CAGE1: variants seen among roughly 807,000 people sequenced by gnomAD.
CAGE1 encodes the protein cancer antigen 1, also known as cancer-associated gene 1 protein.
Under a neutral mutation model 94.9 loss-of-function variants are expected in CAGE1, and 66 were observed. That is an observed-to-expected ratio of 0.70 (90% CI 0.57 to 0.85). The LOEUF is 0.85. CAGE1 is among the 40% of genes least tolerant of loss of function. The pLI, the probability that CAGE1 is intolerant of heterozygous loss-of-function variation, is 0.00. For missense variants in CAGE1, 865 were observed against 950.4 expected (o/e 0.91, Z 1.18); for synonymous variants, 319 against 321.0 (o/e 0.99, Z 0.07).
At chr6:7,384,829 C>T (rs1356145463) in intron 3 of CAGE1, among the ~76,000 whole-genome samples, 3 of 151,822 alleles carry the variant, frequency 2.0e-5, no homozygotes, top group Non-Finnish European at 4.4e-5. Context: ...ATTCTCCCAC[C>T]CAGGCCTCCA....
At chr6:7,343,745 G>A (rs1759288084) in intron 11 of CAGE1, among the ~76,000 whole-genome samples, 1 of 152,180 alleles carries the variant, frequency 6.6e-6, no homozygotes, top group Non-Finnish European at 1.5e-5. Flanking sequence ...GGTAGGAATG[G>A]AATAGAAGGT....
intron 11 of CAGE1, among the ~76,000 whole-genome samples, chr6:7,345,273 T>C (rs555628736): frequency 9.2e-5 from 14 of 152,106 alleles, no homozygotes; most frequent in African/African-American, 3.4e-4. Flanking sequence ...ACCTTAAGAG[T>C]TGCAGCACTG....
chr6:7,339,149 C>T lies in CAGE1; in HGVS notation c.2370-5059G>A. 6.5e-7 allele frequency: 1 copy of T among 1,534,652 alleles called. No homozygotes were observed. The highest frequency in any genetic ancestry group is 1.7e-5 in the Admixed American group (1 of 59,952). On this transcript the variant is annotated intron_variant, in intron 11 of 13. Coordinates refer to ENST00000502583, the MANE Select transcript of CAGE1 (RefSeq NM_001170692.2). The surrounding 1 kb of genome is among the most constrained non-coding windows in gnomAD (Gnocchi z 4.7). ...ATTTAGCTCTCTGTCCTCAGAGTTT[C>T]CCAGACACCACGACCTCACAGCCTT...
chr6:7,363,767 T>C (rs2113429234), intron 9 of CAGE1, among the ~76,000 whole-genome samples: 1 of 152,328 alleles, frequency 6.6e-6, no homozygotes, highest in South Asian at 2.1e-4. Context: ...TATCGGTGTG[T>C]TCAAGTATTG....
At position 7,366,404 on chromosome 6, in the gene CAGE1, G is replaced by A. The variant is rs148246907; in HGVS notation, c.2005-520C>T. Among the ~76,000 whole-genome samples the A allele has an allele frequency of 8.4e-3, 1,280 of 152,280 alleles. 13 individuals are homozygous for A. Among genetic ancestry groups the A allele is most frequent in the Admixed American group, 0.014 (208 of 15,294 alleles). On this transcript the variant is annotated intron_variant, in intron 7 of 13. Transcript: ENST00000502583. ...TGCTGGCAAGGCTGCCCCATGACTG[G>A]CATTTGGAAAGTTGGACTGCAGAAA... is the stretch of plus-strand genomic sequence containing the variant.
chr6:7,382,262 C>T (rs560113953), intron 3 of CAGE1, among the ~76,000 whole-genome samples: 8 of 152,074 alleles, frequency 5.3e-5, no homozygotes, highest in South Asian at 2.1e-4. Context: ...GCCATACAGA[C>T]GTTTTCTTAA....
chr6:7,368,855 G>C, intron 6 of CAGE1, 57 bp from the exon 7 acceptor site: 1 of 1,007,812 alleles, frequency 9.9e-7, no homozygotes, highest in South Asian at 1.6e-5. Flanking sequence ...GCTAAAATGA[G>C]GCCAAAACTA....
rs921665729 is a variant in CAGE1 at position 7,373,810 on chromosome 6, C to A, written c.1009G>T (p.Val337Phe). Residue 337 changes from valine to phenylalanine, a missense_variant, in exon 5 of 14, where the codon GTT becomes TTT. Physicochemically the swap from Val to Phe is conservative, Grantham distance 50 (BLOSUM62 -1). Coordinates refer to ENST00000502583, the MANE Select transcript of CAGE1 (RefSeq NM_001170692.2). ...QCSNLYLEKR[V>F]KELQMKITKQ... ...GTAATCTTCATCTGTAGTTCTTTAACCCTCTTCTCTAAATACAGGTTACTA... is the reference window on the plus strand; with the variant it reads ...GTAATCTTCATCTGTAGTTCTTTAAACCTCTTCTCTAAATACAGGTTACTA... 6.2e-7 allele frequency: 1 copy of A among 1,613,748 alleles called. No individual in the cohort carries two copies. The highest frequency in any genetic ancestry group is 1.3e-5 in the African/African-American group (1 of 74,916).
chr6:7,344,704 C>T (rs1759360778), intron 11 of CAGE1, among the ~76,000 whole-genome samples: 1 of 152,338 alleles, frequency 6.6e-6, no homozygotes, highest in Admixed American at 6.5e-5. Flanking sequence ...AGGTGGAGAA[C>T]CTTTATGTCT....
intron 11 of CAGE1, among the ~76,000 whole-genome samples, chr6:7,350,840 C>T (rs1220377636): frequency 6.6e-6 from 1 of 152,104 alleles, no homozygotes; most frequent in Admixed American, 6.6e-5. Flanking sequence ...TCTAAGGTTA[C>T]ACCTCAAGGA....
chr6:7,376,074 T>C (rs1199613616), intron 4 of CAGE1, among the ~76,000 whole-genome samples: 1 of 152,080 alleles, frequency 6.6e-6, no homozygotes, highest in Non-Finnish European at 1.5e-5. Flanking sequence ...GTGTTAGTTA[T>C]CACAAGTGGA....
At chr6:7,345,550 GT>G (rs1399100431) in intron 11 of CAGE1, among the ~76,000 whole-genome samples, 13 of 152,166 alleles carry the variant, frequency 8.5e-5, no homozygotes, top group African/African-American at 2.9e-4. Context: ...TCACCAAGTA[GT>G]TTTCTTTCAG....
At position 7,387,082 on chromosome 6, in the gene CAGE1, G is replaced by A. The variant is rs939510199; in HGVS notation, c.92C>T (p.Ser31Leu). The change falls in exon 2 of 14, where the codon TCA becomes TTA. Residue 31 changes from serine to leucine, a missense_variant. By Grantham distance (145) the Ser-to-Leu change is moderately radical. Transcript: ENST00000502583. Reference sequence around the variant, plus strand: ...GCTGACATTCATGGTATCCGATTCTGACATGCTTTCTACTTTTTCATGAGA... The same window carrying A: ...GCTGACATTCATGGTATCCGATTCTAACATGCTTTCTACTTTTTCATGAGA... ...DTSHEKVESM[S>L]ESDTMNVSNL... The A allele has an allele frequency of 5.2e-6, 8 of 1,551,328 alleles. No homozygotes were observed. The Admixed American group carries it at 9.8e-5, about 19-fold the overall frequency.
chr6:7,338,880 T>A (rs528642271), intron 11 of CAGE1: 1 of 1,534,532 alleles, frequency 6.5e-7, no homozygotes, highest in East Asian at 2.2e-5. Flanking sequence ...GGCTCTGGCT[T>A]CCCACCCTTC....
chr6:7,345,237 G>T (rs556121578), intron 11 of CAGE1, among the ~76,000 whole-genome samples: 2 of 148,728 alleles, frequency 1.3e-5, no homozygotes, highest in Admixed American at 6.6e-5. Flanking sequence ...AGCCTACCAA[G>T]AAGAAGGAAC....
chr6:7,357,635 G>C (rs577880930), intron 9 of CAGE1, among the ~76,000 whole-genome samples: 48 of 152,178 alleles, frequency 3.2e-4, no homozygotes, highest in African/African-American at 1.1e-3. Flanking sequence ...TTGCTCTGCA[G>C]AAGCCGGGTT....
intron 5 of CAGE1, among the ~76,000 whole-genome samples, chr6:7,371,939 G>A (rs1760551437): frequency 6.6e-6 from 1 of 152,130 alleles, no homozygotes; most frequent in African/African-American, 2.4e-5. Flanking sequence ...TCTGTCTTGT[G>A]AAAATTATCA....
intron 10 of CAGE1, among the ~76,000 whole-genome samples, chr6:7,355,549 A>G (rs765291043): frequency 1.3e-5 from 2 of 152,284 alleles, no homozygotes; most frequent in Non-Finnish European, 2.9e-5. Flanking sequence ...AATCTTTGAT[A>G]GCTTTCAGCT....
chr6:7,363,202 G>A (rs1238857690), intron 9 of CAGE1, among the ~76,000 whole-genome samples: 4 of 152,170 alleles, frequency 2.6e-5, no homozygotes, highest in Non-Finnish European at 2.9e-5. Flanking sequence ...CCCTGGGGGC[G>A]GAGGTTGCAG....
Sources: allele counts gnomAD v4.1 joint callset (sites outside exome capture counted in the v4.1 genomes callset), GRCh38; gene constraint gnomAD v4.1.1; non-coding constraint Gnocchi (gnomAD v3.1); transcripts MANE v1.5; gene names NCBI Gene and HGNC (gene_info 2026-07-23, HGNC 2026-07-21).